NMT2: variants seen among roughly 807,000 people sequenced by gnomAD.
NMT2 encodes the protein N-myristoyltransferase 2, also known as glycylpeptide N-tetradecanoyltransferase 2.
Under a neutral mutation model 65.4 loss-of-function variants are expected in NMT2, and 35 were observed. The ratio of observed to expected loss-of-function variants is 0.54; its 90% CI spans 0.41 to 0.71. NMT2 has a LOEUF of 0.71. Among genes scored for constraint, NMT2 ranks in the 30% least tolerant of loss-of-function variants. NMT2 has a pLI of 0.00. For missense variants in NMT2, 489 were observed against 611.3 expected, an observed-to-expected ratio of 0.80 and a Z score of 2.11; for synonymous variants, 226 against 231.8, an observed-to-expected ratio of 0.98 and a Z score of 0.23.
At chr10:15,141,285 G>C in intron 2 of NMT2, 137 bp downstream of exon 2, 1 of 1,156,966 alleles carries the variant, frequency 8.6e-7, no homozygotes, top group South Asian at 1.5e-5. Context: ...GCTGTCAAGA[G>C]CTTCCAGTTA....
At chr10:15,109,305 C>T in intron 11 of NMT2, 90 bp from the exon 12 acceptor site, 2 of 1,479,720 alleles carry the variant, frequency 1.4e-6, no homozygotes, top group Non-Finnish European at 1.8e-6. Flanking sequence ...TCTTAAGGCT[C>T]AGCTCACACC....
intron 8 of NMT2, among the ~76,000 whole-genome samples, chr10:15,123,787 G>A (rs929791032): frequency 2.6e-5 from 4 of 152,178 alleles, no homozygotes; most frequent in Admixed American, 2.6e-4. Flanking sequence ...CCTTTCCCAT[G>A]GCCCAACTAA....
intron 3 of NMT2, 52 bp downstream of exon 3, chr10:15,135,222 G>GTTCA: frequency 6.6e-7 from 1 of 1,524,858 alleles, no homozygotes; most frequent in Non-Finnish European, 9.1e-7. Flanking sequence ...TGTTGTTGTT[G>GTTCA]TTCATCCAGC....
intron 1 of NMT2, among the ~76,000 whole-genome samples, chr10:15,144,730 CAA>C (rs1156641606): frequency 7.3e-6 from 1 of 137,468 alleles, no homozygotes; most frequent in Admixed American, 7.4e-5. Context: ...GACTCCGTCT[CAA>C]AAAAAAAAAA....
chr10:15,111,280 G>C (rs1845505516), intron 10 of NMT2, among the ~76,000 whole-genome samples: 1 of 151,884 alleles, frequency 6.6e-6, no homozygotes, highest in East Asian at 2.0e-4. Flanking sequence ...GGAGGCCGCA[G>C]CAGGTGGATC....
intron 8 of NMT2, among the ~76,000 whole-genome samples, chr10:15,127,546 C>CAAAAAAAAAAAAAAAAA (rs1239422956): frequency 3.1e-4 from 16 of 51,390 alleles, no homozygotes; most frequent in East Asian, 8.3e-4. Context: ...GACTCCGTCT[C>CAAAAAAAAAAAAAAAAA]AAAAAAAAAA....
At chr10:15,120,810 G>T (rs1425929383) in intron 8 of NMT2, among the ~76,000 whole-genome samples, 1 of 152,194 alleles carries the variant, frequency 6.6e-6, no homozygotes, top group African/African-American at 2.4e-5. Flanking sequence ...AGCCATACCA[G>T]CCTGAAAGTG....
intron 2 of NMT2, among the ~76,000 whole-genome samples, chr10:15,137,910 G>A (rs1045246662): frequency 1.3e-5 from 2 of 151,938 alleles, no homozygotes; most frequent in African/African-American, 4.8e-5. Flanking sequence ...ATTAGCTCAT[G>A]GGTTGACCAG....
chr10:15,156,650 G>A (rs868374469), intron 1 of NMT2, among the ~76,000 whole-genome samples: 63 of 152,178 alleles, frequency 4.1e-4, no homozygotes, highest in African/African-American at 1.4e-3. Flanking sequence ...TGTAATCTAA[G>A]CACTTTGGGA....
In NMT2 at chr10:15,112,925, A is replaced by G. The variant is rs770160148; in HGVS notation, c.1209T>C (p.Tyr403=). ...GGTGCATCACCGTGGAGGGGAGCGT[A>G]TAGAAGCTCAGGAAATCAGTCAGTT... ...NGKLTDFLSF[Y]TLPSTVMHHP... The change falls in exon 10 of 12, where the codon TAT becomes TAC. Residue 403 remains tyrosine (Y), a synonymous_variant. Coordinates refer to ENST00000378165, the MANE Select transcript of NMT2 (RefSeq NM_004808.3). 1.9e-6 allele frequency: 3 copies of G among 1,614,158 alleles called. No individual in the cohort carries two copies. The highest frequency in any genetic ancestry group is 2.5e-6 in the Non-Finnish European group (3 of 1,180,008).
intron 1 of NMT2, among the ~76,000 whole-genome samples, chr10:15,158,336 T>C (rs554671212): frequency 3.1e-4 from 46 of 146,992 alleles, no homozygotes; most frequent in African/African-American, 1.1e-3. Context: ...AAAAGAAAAA[T>C]ACATAAGCAT....
chr10:15,123,531 GAAAAAA>G (rs775699014), intron 8 of NMT2, among the ~76,000 whole-genome samples: 2 of 52,542 alleles, frequency 3.8e-5, no homozygotes, highest in African/African-American at 1.2e-4. Flanking sequence ...TCGTCTCACA[GAAAAAA>G]AAAAAAAAAA....
intron 8 of NMT2, among the ~76,000 whole-genome samples, chr10:15,122,039 T>C (rs940248813): frequency 6.6e-6 from 1 of 152,220 alleles, no homozygotes; most frequent in South Asian, 2.1e-4. Flanking sequence ...TAAATGCTAG[T>C]GGGAAGACCA....
intron 9 of NMT2, among the ~76,000 whole-genome samples, chr10:15,116,882 A>G (rs539431185): frequency 1.6e-4 from 24 of 152,334 alleles, no homozygotes; most frequent in Admixed American, 5.2e-4. Flanking sequence ...GATCATCTGA[A>G]TAGTGCTATA....
chr10:15,161,667 T>G (rs1246174138), intron 1 of NMT2, among the ~76,000 whole-genome samples: 1 of 152,128 alleles, frequency 6.6e-6, no homozygotes, highest in Non-Finnish European at 1.5e-5. Context: ...GCCGGGAGGA[T>G]GTGTTTTATA....
intron 2 of NMT2, among the ~76,000 whole-genome samples, chr10:15,138,026 T>C (rs1341145874): frequency 2.7e-5 from 4 of 150,718 alleles, no homozygotes; most frequent in Non-Finnish European, 5.9e-5. Flanking sequence ...TTTTTTTCAT[T>C]TTGAGGCAGA....
intron 1 of NMT2, chr10:15,168,284 CAG>C: frequency 9.6e-6 from 4 of 418,248 alleles, no homozygotes; most frequent in East Asian, 4.5e-5. Context: ...GCCCGGGCCC[CAG>C]CCTCCCCGCC....
chr10:15,137,421 C>T (rs1377546180), intron 2 of NMT2, among the ~76,000 whole-genome samples: 1 of 152,080 alleles, frequency 6.6e-6, no homozygotes, highest in East Asian at 1.9e-4. Flanking sequence ...TAACAAAATA[C>T]TTTTCCGGTT....
intron 1 of NMT2, among the ~76,000 whole-genome samples, chr10:15,144,830 A>G (rs575970192): frequency 2.0e-5 from 3 of 152,352 alleles, no homozygotes; most frequent in Admixed American, 2.0e-4. Flanking sequence ...CGGCTTTGAA[A>G]AACAGCTGAC....
Sources: gnomAD v4.1 joint callset for allele counts (sites outside exome capture counted in the v4.1 genomes callset) on GRCh38, gnomAD v4.1.1 for gene constraint, MANE v1.5 for transcripts, NCBI Gene and HGNC (gene_info 2026-07-23, HGNC 2026-07-21) for gene names.